The following RAB31 variants were observed in gnomAD, a reference collection of about 807,000 sequenced individuals.
RAB31 encodes the protein ras-related protein Rab-31.
Under a neutral mutation model 25.6 loss-of-function variants are expected in RAB31, and 21 were observed. The observed-to-expected ratio is 0.82, with a 90% confidence interval of 0.58 to 1.18. The LOEUF (loss-of-function observed/expected upper bound fraction) is 1.18. RAB31 is among the 50% of genes most tolerant of loss of function. The probability of loss-of-function intolerance (pLI) is 0.00; values close to 1 mark genes in which losing one functional copy is unlikely to be tolerated. For missense variants in RAB31, 196 were observed against 250.1 expected, an observed-to-expected ratio of 0.78 and a Z score of 1.46; for synonymous variants, 87 against 84.0, an observed-to-expected ratio of 1.04 and a Z score of -0.20.
chr18:9,852,950 T>C (rs955238904), intron 6 of RAB31, among the ~76,000 whole-genome samples: 3 of 152,200 alleles, frequency 2.0e-5, no homozygotes, highest in Non-Finnish European at 4.4e-5. Flanking sequence ...TGGTATCTCA[T>C]TGTGATTTTT....
At chr18:9,747,905 A>C (rs946904933) in intron 1 of RAB31, among the ~76,000 whole-genome samples, 5 of 152,254 alleles carry the variant, frequency 3.3e-5, no homozygotes, top group Non-Finnish European at 5.9e-5. Context: ...GTGAGTAATT[A>C]GTTCCTAGTA....
At chr18:9,788,831 A>T (rs1384646364) in intron 2 of RAB31, among the ~76,000 whole-genome samples, 1 of 152,166 alleles carries the variant, frequency 6.6e-6, no homozygotes, top group Non-Finnish European at 1.5e-5. Context: ...TTAGCTGGGC[A>T]TGGTGGCACA....
intron 1 of RAB31, among the ~76,000 whole-genome samples, chr18:9,750,613 A>T (rs571840277): frequency 6.6e-6 from 1 of 152,282 alleles, no homozygotes; most frequent in South Asian, 2.1e-4. Context: ...CAGTTTGGAT[A>T]AGACAACAGA....
intron 1 of RAB31, among the ~76,000 whole-genome samples, chr18:9,737,414 A>G (rs1395501854): frequency 6.6e-6 from 1 of 152,238 alleles, no homozygotes; most frequent in East Asian, 1.9e-4. Flanking sequence ...ATATATTTAC[A>G]TTGTAGTAGA....
intron 3 of RAB31, among the ~76,000 whole-genome samples, chr18:9,802,601 G>A (rs2068519542): frequency 6.6e-6 from 1 of 152,258 alleles, no homozygotes; most frequent in South Asian, 2.1e-4. Context: ...TTTAATGCAT[G>A]CAGTCAGGAG....
intron 1 of RAB31, among the ~76,000 whole-genome samples, chr18:9,765,648 A>G (rs1338995266): frequency 1.3e-5 from 2 of 152,186 alleles, no homozygotes; most frequent in African/African-American, 4.8e-5. Context: ...GGCCCAGAGC[A>G]AACAGGCCCA....
intron 5 of RAB31, among the ~76,000 whole-genome samples, chr18:9,817,618 A>G (rs916704918): frequency 6.6e-6 from 1 of 152,210 alleles, no homozygotes; most frequent in Non-Finnish European, 1.5e-5. Context: ...ATGGGAAGGC[A>G]GGTGGTCTTG....
chr18:9,779,877 A>T (rs1465744390), intron 2 of RAB31, among the ~76,000 whole-genome samples: 1 of 152,176 alleles, frequency 6.6e-6, no homozygotes, highest in Non-Finnish European at 1.5e-5. Context: ...TGTTTTGATT[A>T]TAAAAGTTCA....
chr18:9,795,872 C>A (rs1261526318), intron 3 of RAB31, among the ~76,000 whole-genome samples: 1 of 152,124 alleles, frequency 6.6e-6, no homozygotes, highest in East Asian at 1.9e-4. Context: ...ATTCAGCAAC[C>A]CCACTCCTGC....
chr18:9,757,090 G>A (rs1288035501), intron 1 of RAB31, among the ~76,000 whole-genome samples: 1 of 152,236 alleles, frequency 6.6e-6, no homozygotes, highest in Non-Finnish European at 1.5e-5. Flanking sequence ...TTGGCGTTCA[G>A]TCAGGAAGCA....
intron 2 of RAB31, among the ~76,000 whole-genome samples, chr18:9,778,775 A>G (rs73385030): frequency 0.044 from 6,691 of 152,310 alleles, 493 homozygotes; most frequent in African/African-American, 0.15. Flanking sequence ...CCAGCCACAC[A>G]TATAACTTTT....
intron 2 of RAB31, among the ~76,000 whole-genome samples, chr18:9,791,421 G>A (rs1393975249): frequency 3.1e-5 from 4 of 128,598 alleles, no homozygotes; most frequent in East Asian, 4.4e-4. Flanking sequence ...TTTTTGAGAC[G>A]GAGTCTTGCT....
chr18:9,783,244 A>G (rs2068414330), intron 2 of RAB31, among the ~76,000 whole-genome samples: 1 of 152,122 alleles, frequency 6.6e-6, no homozygotes, highest in Non-Finnish European at 1.5e-5. Flanking sequence ...ATTTCACAGA[A>G]CAGGAAACCA....
chr18:9,757,978 A>T (rs1366588799), intron 1 of RAB31: 1 of 152,200 alleles, frequency 6.6e-6, no homozygotes, highest in Non-Finnish European at 1.5e-5. Flanking sequence ...AACAACCTTG[A>T]TGTTATCGTA....
At chr18:9,846,632 T>C (rs935617949) in intron 6 of RAB31, among the ~76,000 whole-genome samples, 3 of 152,134 alleles carry the variant, frequency 2.0e-5, no homozygotes, top group African/African-American at 7.2e-5. Flanking sequence ...GGGAAACTGA[T>C]GGTTTGATCT....
intron 3 of RAB31, among the ~76,000 whole-genome samples, chr18:9,812,254 A>AACATTAT (rs1290257254): frequency 5.3e-5 from 8 of 152,212 alleles, no homozygotes; most frequent in Admixed American, 5.2e-4. Context: ...TTCAGTTCAT[A>AACATTAT]ACATTATACC....
rs1012517136 is a variant in RAB31, at chr18:9,859,721, T to C, written c.*396T>C. 6.4e-6 allele frequency: 1 copy of C among 156,692 alleles called. No homozygotes were observed. Among genetic ancestry groups the C allele is most frequent in the Non-Finnish European group, 1.4e-5 (1 of 71,214 alleles). The allele number at this position is 156,692 out of a possible 1,614,324, so 9.7% of individuals were successfully genotyped here. ...TACCTATCCAAATTCCAGTAACTAC[T>C]TCAGTGTCATTGCCTTTGTTACCTA... On this transcript the variant is annotated 3_prime_UTR_variant, in exon 7 of 7. Coordinates refer to ENST00000578921, the MANE Select transcript of RAB31 (RefSeq NM_006868.4).
chr18:9,723,229 G>A (rs1191862811), intron 1 of RAB31, among the ~76,000 whole-genome samples: 3 of 152,112 alleles, frequency 2.0e-5, no homozygotes, highest in East Asian at 1.9e-4. Context: ...TGTGTTTTTA[G>A]TGGAGATGGG....
chr18:9,738,929 C>T (rs551159721), intron 1 of RAB31, among the ~76,000 whole-genome samples: 10 of 152,272 alleles, frequency 6.6e-5, no homozygotes, highest in South Asian at 2.1e-4. Context: ...AACTAGAGAA[C>T]GCTGGTGTCC....
Sources: allele counts gnomAD v4.1 joint callset (sites outside exome capture counted in the v4.1 genomes callset), GRCh38; gene constraint gnomAD v4.1.1; transcripts MANE v1.5; gene names NCBI Gene and HGNC (gene_info 2026-07-23, HGNC 2026-07-21).